CCND3: variants seen among roughly 807,000 people sequenced by gnomAD.
CCND3 encodes G1/S-specific cyclin-D3.
CCND3 carries 9 observed loss-of-function variants against 28.7 expected under a neutral mutation model. That is an observed-to-expected ratio of 0.31 (90% confidence interval 0.19 to 0.55). CCND3 has a LOEUF of 0.55. Among genes scored for constraint, CCND3 ranks in the 20% least tolerant of loss-of-function variants. The pLI, the probability that CCND3 is intolerant of heterozygous loss-of-function variation, is 0.93. For missense variants in CCND3, 315 were observed against 385.8 expected (o/e 0.82, Z 1.54); for synonymous variants, 164 against 163.9 (o/e 1.00, Z 0.00).
chr6:42,007,062 AGTTTT>A (rs1763197067), intron 1 of CCND3, among the ~76,000 whole-genome samples: 1 of 152,142 alleles, frequency 6.6e-6, no homozygotes, highest in African/African-American at 2.4e-5. Flanking sequence ...GGGTATGTTT[AGTTTT>A]ATTATACTAC....
chr6:41,993,188 C>T (rs560773374), intron 1 of CCND3, among the ~76,000 whole-genome samples: 1 of 152,274 alleles, frequency 6.6e-6, no homozygotes, highest in Admixed American at 6.5e-5. Context: ...CAGGTGGAAA[C>T]CACCATACCT....
upstream of CCND3, among the ~76,000 whole-genome samples, chr6:41,944,378 G>A (rs547500529): frequency 6.6e-6 from 1 of 150,698 alleles, no homozygotes; most frequent in South Asian, 2.1e-4. Flanking sequence ...TTTGGTTCAC[G>A]GTGGATTTTT....
chr6:41,967,717 G>A (rs1339906133), intron 1 of CCND3, among the ~76,000 whole-genome samples: 2 of 152,190 alleles, frequency 1.3e-5, no homozygotes, highest in East Asian at 3.8e-4. Flanking sequence ...CTCACTCACA[G>A]ACTTTCTTAT....
intron 1 of CCND3, among the ~76,000 whole-genome samples, chr6:41,961,335 G>T (rs1761711968): frequency 6.6e-6 from 1 of 152,156 alleles, no homozygotes; most frequent in Admixed American, 6.5e-5. Flanking sequence ...TTGGGAGGGT[G>T]AGGCAGGCAG....
At chr6:42,046,089 C>A (rs1582199197) in intron 1 of CCND3, among the ~76,000 whole-genome samples, 1 of 152,240 alleles carries the variant, frequency 6.6e-6, no homozygotes, top group Non-Finnish European at 1.5e-5. Flanking sequence ...AATACCCATG[C>A]CCCCAACACA....
At chr6:41,967,743 T>C (rs1761927288) in intron 1 of CCND3, among the ~76,000 whole-genome samples, 1 of 152,214 alleles carries the variant, frequency 6.6e-6, no homozygotes, top group Non-Finnish European at 1.5e-5. Flanking sequence ...GTATCAATTT[T>C]AGTGCGTCAA....
At position 41,956,149 on chromosome 6, in the gene CCND3, G is replaced by A. The variant is rs544451395; in HGVS notation, c.-45-15564C>T. Reference sequence around the variant, plus strand: ...TCTACTAAAAATACAAAAATTAGCCGGGTGTGGTGGTGGGCCCCTGTAATC... The same window carrying A: ...TCTACTAAAAATACAAAAATTAGCCAGGTGTGGTGGTGGGCCCCTGTAATC... On this transcript the variant is annotated intron_variant, in intron 1 of 4. Transcript: ENST00000372988. Among the ~76,000 whole-genome samples, 243 of 152,120 alleles carry A rather than the reference G, an allele frequency of 1.6e-3. 2 individuals carry two copies. Among genetic ancestry groups the A allele is most frequent in the African/African-American group, 5.4e-3 (223 of 41,512 alleles).
At chr6:42,042,865 C>T (rs1051240665) in intron 1 of CCND3, among the ~76,000 whole-genome samples, 4 of 152,052 alleles carry the variant, frequency 2.6e-5, no homozygotes, top group Middle Eastern at 3.2e-3. Flanking sequence ...GCCCATTTTA[C>T]AGACAAAGAA....
upstream of CCND3, among the ~76,000 whole-genome samples, chr6:41,943,527 A>G (rs1776096576): frequency 2.0e-5 from 3 of 152,350 alleles, no homozygotes; most frequent in African/African-American, 7.2e-5. Context: ...GTGGAAATTT[A>G]AATTATTTCT....
chr6:41,944,302 T>C (rs1776114258), upstream of CCND3, among the ~76,000 whole-genome samples: 1 of 152,126 alleles, frequency 6.6e-6, no homozygotes, highest in Non-Finnish European at 1.5e-5. Flanking sequence ...GCACATGACC[T>C]TCCTTAACAT....
rs577461402 is a variant in CCND3 at position 41,939,713 on chromosome 6, G to T, written c.414+657C>A. Among the ~76,000 whole-genome samples the T allele has an allele frequency of 3.3e-5, 5 of 152,168 alleles. No homozygotes were observed. Among genetic ancestry groups the T allele is most frequent in the African/African-American group, 7.2e-5 (3 of 41,424 alleles). ...CCCTCAGCTTGGGCCTTGGGCTAAG[G>T]GGGGAAGAGGGAGCTGTTTCCACCA... is the stretch of plus-strand genomic sequence containing the variant. On this transcript the variant is annotated intron_variant, in intron 2 of 4. Coordinates refer to ENST00000372991, the MANE Select transcript of CCND3 (RefSeq NM_001760.5). The surrounding 1 kb of genome is among the most constrained non-coding windows in gnomAD (Gnocchi z 4.2).
At chr6:41,957,024 C>A (rs1776456098) in intron 1 of CCND3, among the ~76,000 whole-genome samples, 1 of 152,158 alleles carries the variant, frequency 6.6e-6, no homozygotes, top group Non-Finnish European at 1.5e-5. Context: ...GAATGAGACT[C>A]CGTCTCAAAA....
intron 1 of CCND3, among the ~76,000 whole-genome samples, chr6:42,032,495 C>G (rs1050607177): frequency 6.6e-6 from 1 of 152,246 alleles, no homozygotes; most frequent in African/African-American, 2.4e-5. Context: ...ATTTCAATAC[C>G]TATGGCCAAT....
Position 42,048,171 on chromosome 6 carries a change from G to A in CCND3, c.-46+330C>T. 1 of 220,220 alleles carries A rather than the reference G, an allele frequency of 4.5e-6. No individual in the cohort carries two copies. The highest frequency in any genetic ancestry group is 9.1e-6 in the Non-Finnish European group (1 of 109,582). The allele number at this position is 220,220 out of a possible 1,614,324, so 13.6% of individuals were successfully genotyped here. The stretch of plus-strand genomic sequence containing the variant: ...CACTCACAGACTCCCCATCCACACT[G>A]GTCTGCCCTCCTACTGGCCTTCCAC... On this transcript the variant is annotated intron_variant, in intron 1 of 4. Transcript: ENST00000372988. This position sits in a 1 kb window ranked among gnomAD's most constrained non-coding sequence, Gnocchi z 4.7.
chr6:41,950,902 G>T (rs1776293941), intron 1 of CCND3, among the ~76,000 whole-genome samples: 1 of 151,786 alleles, frequency 6.6e-6, no homozygotes, highest in Non-Finnish European at 1.5e-5. Flanking sequence ...TAGAGTTGGG[G>T]TTTCACCGTG....
chr6:42,029,763 G>A (rs377731433), intron 1 of CCND3, among the ~76,000 whole-genome samples: 10 of 151,834 alleles, frequency 6.6e-5, no homozygotes, highest in East Asian at 1.9e-4. Context: ...CTTGAACCTC[G>A]GAGGTGGAGG....
At chr6:42,011,775 C>T (rs753172853) in intron 1 of CCND3, among the ~76,000 whole-genome samples, 15 of 152,148 alleles carry the variant, frequency 9.9e-5, no homozygotes, top group Non-Finnish European at 2.1e-4. Flanking sequence ...GGGGTACTCC[C>T]AAGCCCTGAA....
chr6:41,993,112 A>C (rs942140646), intron 1 of CCND3, among the ~76,000 whole-genome samples: 4 of 152,100 alleles, frequency 2.6e-5, no homozygotes, highest in Non-Finnish European at 5.9e-5. Context: ...TGTGTTGCTT[A>C]AAATGGTCTT....
intron 1 of CCND3, among the ~76,000 whole-genome samples, chr6:42,005,688 T>C (rs1234746338): frequency 6.6e-6 from 1 of 151,812 alleles, no homozygotes; most frequent in African/African-American, 2.4e-5. Flanking sequence ...TGAGGCCCCA[T>C]TTCTTATTTT....
Sources: gnomAD v4.1 joint callset for allele counts (sites outside exome capture counted in the v4.1 genomes callset) on GRCh38, gnomAD v4.1.1 for gene constraint, Gnocchi (gnomAD v3.1) non-coding constraint, MANE v1.5 for transcripts, NCBI Gene and HGNC (gene_info 2026-07-23, HGNC 2026-07-21) for gene names.